The following SP140 variants were observed in gnomAD, a reference collection of about 807,000 sequenced individuals.
The protein encoded by SP140 is nuclear body protein SP140.
Under a neutral mutation model 125.0 loss-of-function variants are expected in SP140, and 81 were observed. That is an observed-to-expected ratio of 0.65 (90% CI 0.54 to 0.78). The LOEUF is 0.78. SP140 is among the 30% of genes least tolerant of loss of function. The pLI is 0.00. For missense variants in SP140, 858 were observed against 1,037.0 expected, an observed-to-expected ratio of 0.83 and a Z score of 2.37; for synonymous variants, 312 against 354.0, an observed-to-expected ratio of 0.88 and a Z score of 1.33.
chr2:230,288,708 G>A (rs1332320153), intron 18 of SP140, among the ~76,000 whole-genome samples: 2 of 152,168 alleles, frequency 1.3e-5, no homozygotes, highest in Non-Finnish European at 2.9e-5. Context: ...TTATGAGTGA[G>A]AGCATGTGAT....
upstream of SP140, among the ~76,000 whole-genome samples, chr2:230,222,548 G>A (rs912407612): frequency 3.9e-5 from 6 of 151,978 alleles, no homozygotes; most frequent in African/African-American, 7.3e-5. Flanking sequence ...GCAAGACCTC[G>A]TCTCTACAAA....
At chr2:230,291,959 C>T (rs77457538) in intron 19 of SP140, among the ~76,000 whole-genome samples, 2,353 of 152,274 alleles carry the variant, frequency 0.015, 58 homozygotes, top group African/African-American at 0.054. Flanking sequence ...ATACTGTCAT[C>T]CTAGTGGGTA....
the SP140 span, among the ~76,000 whole-genome samples, chr2:230,196,519 T>C: frequency 5.3e-5 from 8 of 150,222 alleles, no homozygotes; most frequent in African/African-American, 1.7e-4. Context: ...TGTTTAACTT[T>C]ATGATTTATA....
At chr2:230,310,108 AGCAGAGT>A in intron 23 of SP140, 69 bp downstream of exon 23, 2 of 1,458,772 alleles carry the variant, frequency 1.4e-6, no homozygotes, top group Non-Finnish European at 1.9e-6. Context: ...CGCACTCTCC[AGCAGAGT>A]GCCGGCTTGT....
In SP140 at chr2:230,254,185, A is replaced by G. The variant is rs147606508; in HGVS notation, c.1159+768A>G. On this transcript the variant is annotated intron_variant, in intron 11 of 26. Coordinates refer to ENST00000392045, the MANE Select transcript of SP140 (RefSeq NM_007237.5). ...CACAGATTAAACTATGCAGAGAAAG[A>G]GATCAAAATAATTAAAGTACCCATG... 1.9e-3 allele frequency among the ~76,000 whole-genome samples: 282 copies of G among 152,324 alleles called. 1 individual carries two copies. The highest frequency in any genetic ancestry group is 6.6e-3 in the African/African-American group (275 of 41,566).
At chr2:230,202,713 C>G, upstream of SP140, 1 of 1,614,124 alleles carries the variant, frequency 6.2e-7, no homozygotes, top group Non-Finnish European at 8.5e-7. Context: ...GATTCCGTGT[C>G]TAGATGAGGC....
chr2:230,307,407 GAGA>G (rs1402495013), intron 22 of SP140, among the ~76,000 whole-genome samples: 2 of 152,250 alleles, frequency 1.3e-5, no homozygotes, highest in Admixed American at 6.5e-5. Context: ...TGTGGGTGAA[GAGA>G]AGGAGAGAAG....
intron 24 of SP140, 93 bp downstream of exon 24, chr2:230,310,944 C>T: frequency 2.7e-6 from 2 of 728,540 alleles, no homozygotes; most frequent in Non-Finnish European, 4.5e-6. Flanking sequence ...CTGAAAGGAG[C>T]CTGCTCTTCC....
At chr2:230,264,457 T>A (rs1427544437) in intron 12 of SP140, among the ~76,000 whole-genome samples, 1 of 152,192 alleles carries the variant, frequency 6.6e-6, no homozygotes, top group Non-Finnish European at 1.5e-5. Context: ...ACTACCCTCC[T>A]GAATTCTTTT....
chr2:230,251,709 A>G (rs2050391870), intron 10 of SP140, among the ~76,000 whole-genome samples: 1 of 152,156 alleles, frequency 6.6e-6, no homozygotes. Context: ...TGATCTCTTT[A>G]TGAGACTAAA....
At position 230,270,623 on chromosome 2, in the gene SP140, AC is replaced by A; in HGVS notation, c.1485del (p.Lys496ArgfsTer15). ...TTGCAAACAACTCCACTTTGGGAAA[AC>A]CCAAGAGGAAAAGAAGTAAGAATAA... ...DIANNSTLGK[P>X]KRKRRKKRGH... On this transcript the variant is annotated frameshift_variant, in exon 15 of 27. Coordinates refer to ENST00000392045, the MANE Select transcript of SP140 (RefSeq NM_007237.5). LOFTEE classifies it high-confidence loss of function. 1.2e-6 allele frequency: 2 copies of A among 1,609,340 alleles called. No homozygotes were observed. Among genetic ancestry groups the A allele is most frequent in the Non-Finnish European group, 1.7e-6 (2 of 1,177,358 alleles).
intron 15 of SP140, 174 bp downstream of exon 15, chr2:230,270,813 C>T: frequency 1.5e-6 from 1 of 683,512 alleles, no homozygotes; most frequent in South Asian, 1.5e-5. Flanking sequence ...AATCTGCTAT[C>T]TTACATGACA....
chr2:230,304,457 G>A (rs892221601), intron 22 of SP140, among the ~76,000 whole-genome samples: 9 of 152,104 alleles, frequency 5.9e-5, no homozygotes, highest in Non-Finnish European at 8.8e-5. Flanking sequence ...GCAAGACTAA[G>A]CACAAAGAAA....
intron 22 of SP140, among the ~76,000 whole-genome samples, chr2:230,307,104 C>T (rs931907323): frequency 3.3e-5 from 5 of 152,200 alleles, no homozygotes; most frequent in African/African-American, 1.2e-4. Context: ...GAGCTTCACA[C>T]TCCAGGGACT....
intron 3 of SP140, 108 bp from the exon 4 acceptor site, chr2:230,241,296 C>T (rs974514731): frequency 2.2e-5 from 16 of 723,688 alleles, no homozygotes; most frequent in Non-Finnish European, 2.7e-5. Context: ...TGTTGGACCT[C>T]GGGGGTGGGA....
intron 22 of SP140, among the ~76,000 whole-genome samples, chr2:230,305,714 G>A (rs560704185): frequency 6.6e-6 from 1 of 152,356 alleles, no homozygotes; most frequent in African/African-American, 2.4e-5. Context: ...CAGGGGCCGG[G>A]GTGGGAAGTG....
downstream of SP140, among the ~76,000 whole-genome samples, chr2:230,316,570 C>T (rs4973312): frequency 0.24 from 35,793 of 152,196 alleles, 5,193 homozygotes; most frequent in African/African-American, 0.42. Flanking sequence ...AGCTCTACAT[C>T]ATCCTTGCCA....
intron 22 of SP140, among the ~76,000 whole-genome samples, chr2:230,297,966 A>G (rs927813121): frequency 2.6e-5 from 4 of 152,228 alleles, no homozygotes; most frequent in Non-Finnish European, 4.4e-5. Context: ...TGATCCTGTC[A>G]TTAGCCCTGT....
chr2:230,263,634 T>A (rs955092102), intron 12 of SP140, among the ~76,000 whole-genome samples: 3 of 152,234 alleles, frequency 2.0e-5, no homozygotes, highest in Admixed American at 2.0e-4. Context: ...TATTGAGAGC[T>A]CCTTTTAGCA....
Sources: gnomAD v4.1 joint callset for allele counts (sites outside exome capture counted in the v4.1 genomes callset) on GRCh38, gnomAD v4.1.1 for gene constraint, MANE v1.5 for transcripts, NCBI Gene and HGNC (gene_info 2026-07-23, HGNC 2026-07-21) for gene names.